The following CRTC3 variants were observed in gnomAD, a reference collection of about 807,000 sequenced individuals.
CRTC3 encodes the protein CREB-regulated transcription coactivator 3.
CRTC3 carries 26 observed loss-of-function variants against 74.5 expected under a neutral mutation model. The ratio of observed to expected loss-of-function variants is 0.35; its 90% CI spans 0.26 to 0.48. The LOEUF (loss-of-function observed/expected upper bound fraction) is 0.48, where lower values mean the gene tolerates loss of function less well. Ranked by LOEUF, CRTC3 falls within the 20% of genes least tolerant of loss-of-function variation. The pLI is 0.99. For synonymous variants in CRTC3, 377 were observed against 325.8 expected (o/e 1.16, Z -1.69); for missense variants, 760 against 787.3 (o/e 0.97, Z 0.41).
intron 3 of CRTC3, chr15:90,600,375 G>C (rs1372737705): frequency 2.0e-5 from 3 of 151,934 alleles, no homozygotes; most frequent in Non-Finnish European, 4.4e-5. Flanking sequence ...CAAGGCTCCT[G>C]TTTCCTCCTG....
chr15:90,588,191 C>T (rs1967712228), intron 2 of CRTC3, among the ~76,000 whole-genome samples: 1 of 150,896 alleles, frequency 6.6e-6, no homozygotes, highest in African/African-American at 2.4e-5. Flanking sequence ...ACTTGGGAGG[C>T]AGAGGTTACA....
intron 6 of CRTC3, among the ~76,000 whole-genome samples, chr15:90,610,645 C>A (rs1968334145): frequency 6.6e-6 from 1 of 152,120 alleles, no homozygotes; most frequent in African/African-American, 2.4e-5. Context: ...TATTCAGAAT[C>A]TATAAAGAGG....
chr15:90,604,598 A>G (rs1968168618), intron 5 of CRTC3, 151 bp downstream of exon 5: 7 of 642,754 alleles, frequency 1.1e-5, no homozygotes, highest in East Asian at 2.8e-5. Context: ...TTGAGTGTCT[A>G]CAGGGGAAAG....
chr15:90,582,349 G>A (rs1967562830), intron 2 of CRTC3, among the ~76,000 whole-genome samples: 1 of 152,192 alleles, frequency 6.6e-6, no homozygotes, highest in African/African-American at 2.4e-5. Flanking sequence ...TGGAAAGACA[G>A]TAAAGTGCCT....
intron 2 of CRTC3, among the ~76,000 whole-genome samples, chr15:90,551,000 A>T (rs1418317320): frequency 6.6e-6 from 1 of 152,130 alleles, no homozygotes; most frequent in African/African-American, 2.4e-5. Context: ...CAGAACAATG[A>T]GATGAACAAA....
At chr15:90,614,979 G>A (rs1046732982) in intron 7 of CRTC3, among the ~76,000 whole-genome samples, 2 of 152,096 alleles carry the variant, frequency 1.3e-5, no homozygotes, top group African/African-American at 2.4e-5. Context: ...CAGGAGAATC[G>A]CTTGAACACG....
intron 2 of CRTC3, among the ~76,000 whole-genome samples, chr15:90,544,153 A>G (rs544972372): frequency 2.6e-5 from 4 of 152,302 alleles, no homozygotes; most frequent in Admixed American, 6.5e-5. Context: ...TCTGGGGAAG[A>G]ATCCCTCCTT....
intron 5 of CRTC3, among the ~76,000 whole-genome samples, chr15:90,606,541 A>G (rs948143171): frequency 4.6e-5 from 7 of 152,152 alleles, no homozygotes; most frequent in Admixed American, 3.3e-4. Context: ...CAGCCTGGGC[A>G]ACAGAGCGAG....
At chr15:90,575,489 G>A (rs1709334175) in intron 2 of CRTC3, among the ~76,000 whole-genome samples, 1 of 152,090 alleles carries the variant, frequency 6.6e-6, no homozygotes, top group South Asian at 2.1e-4. Context: ...ATGTGCTTAT[G>A]CCAGTGTAAG....
At chr15:90,607,568 G>A (rs772576807) in intron 6 of CRTC3, 90 bp downstream of exon 6, 468 of 791,060 alleles carry the variant, frequency 5.9e-4, no homozygotes, top group Middle Eastern at 1.7e-3. Flanking sequence ...TGGTGTTTGC[G>A]CTTCCCGGTT....
intron 10 of CRTC3, among the ~76,000 whole-genome samples, chr15:90,628,747 G>C (rs563425170): frequency 1.4e-4 from 22 of 152,192 alleles, no homozygotes; most frequent in Non-Finnish European, 2.8e-4. Flanking sequence ...TGACTCCCTA[G>C]TGTGCTAAGG....
At position 90,617,949 on chromosome 15, in the gene CRTC3, A is replaced by G; in HGVS notation, c.680A>G (p.Gln227Arg). The change falls in exon 8 of 15, where the codon CAA (glutamine) becomes CGA (arginine). Residue 227 changes from glutamine (Q) to arginine (R), a missense_variant. Physicochemically the swap from Gln to Arg is conservative, Grantham distance 43. Around this residue, in one of 2 missense-constraint regions of CRTC3, gnomAD observed 652 missense variants for 635.2 expected, o/e 1.03. Transcript: ENST00000268184. ...AATGTTCCGAAGCCACTGCCAAAAC[A>G]ACTGTGGGAGACCAAGGAGGTGGGT... ...LLNVPKPLPK[Q>R]LWETKEIQSL... 3 of 1,610,770 alleles carry G rather than the reference A, an allele frequency of 1.9e-6. No individual in the cohort carries two copies. Among genetic ancestry groups the G allele is most frequent in the Non-Finnish European group, 2.5e-6 (3 of 1,176,996 alleles).
At chr15:90,638,954 C>T (rs558367372) in intron 13 of CRTC3, 139 bp downstream of exon 13, 6 of 715,974 alleles carry the variant, frequency 8.4e-6, no homozygotes, top group South Asian at 1.7e-5. Flanking sequence ...CTAGAAGAGC[C>T]TTTCATCTTC....
chr15:90,577,535 G>C (rs1271384876), intron 2 of CRTC3, among the ~76,000 whole-genome samples: 1 of 152,214 alleles, frequency 6.6e-6, no homozygotes, highest in Non-Finnish European at 1.5e-5. Flanking sequence ...GGTACAGACA[G>C]TGTATCAGTA....
intron 2 of CRTC3, among the ~76,000 whole-genome samples, chr15:90,546,046 T>G (rs1596073653): frequency 6.6e-6 from 1 of 152,224 alleles, no homozygotes; most frequent in Non-Finnish European, 1.5e-5. Flanking sequence ...GTTTTAAGTT[T>G]TGAAGTCTAG....
Position 90,617,962 on chromosome 15 carries a change from C to G in CRTC3, c.693C>G (p.Thr231=). 6.2e-7 allele frequency: 1 copy of G among 1,600,612 alleles called. No homozygotes were observed. The highest frequency in any genetic ancestry group is 1.1e-5 in the South Asian group (1 of 90,756). Reference sequence around the variant, plus strand: ...CACTGCCAAAACAACTGTGGGAGACCAAGGAGGTGGGTGAACAGTACTCAG... The same window carrying G: ...CACTGCCAAAACAACTGTGGGAGACGAAGGAGGTGGGTGAACAGTACTCAG... ...PKPLPKQLWE[T]KEIQSLSGRP... The change falls in exon 8 of 15, where the codon ACC becomes ACG. Residue 231 remains threonine (T), a synonymous_variant. Coordinates refer to ENST00000268184, the MANE Select transcript of CRTC3 (RefSeq NM_022769.5).
chr15:90,558,630 A>G (rs928000350), intron 2 of CRTC3, among the ~76,000 whole-genome samples: 1 of 151,772 alleles, frequency 6.6e-6, no homozygotes, highest in Non-Finnish European at 1.5e-5. Flanking sequence ...TCCTCACTCA[A>G]ATATCACCTG....
At chr15:90,633,186 TC>T (rs1366029939) in intron 11 of CRTC3, among the ~76,000 whole-genome samples, 2 of 152,218 alleles carry the variant, frequency 1.3e-5, no homozygotes, top group Non-Finnish European at 2.9e-5. Flanking sequence ...GAATTTTTTT[TC>T]CTCTTGGGAG....
Position 90,576,572 on chromosome 15 carries a change from TGAC to T in CRTC3, c.232-17063_232-17061del, listed in dbSNP as rs562820595. Among the ~76,000 whole-genome samples the T allele has an allele frequency of 8.7e-4, 132 of 152,144 alleles. 1 individual carries two copies. The highest frequency in any genetic ancestry group is 3.2e-3 in the African/African-American group (132 of 41,510). ...TCTGGGCTAGAGAGATGGAGTGATA[TGAC>T]AGAGCCCTGAGGAACCCCAGCACTA... On this transcript the variant is annotated intron_variant, in intron 2 of 14. Transcript: ENST00000268184.
Sources: gnomAD v4.1 joint callset for allele counts (sites outside exome capture counted in the v4.1 genomes callset) on GRCh38, gnomAD v4.1.1 for gene constraint, gnomAD v4.1.1 regional missense constraint, MANE v1.5 for transcripts, NCBI Gene and HGNC (gene_info 2026-07-23, HGNC 2026-07-21) for gene names.